The following WASF3 variants were observed in gnomAD, a reference collection of about 807,000 sequenced individuals.
WASF3 encodes actin-binding protein WASF3.
Under a neutral mutation model 46.6 loss-of-function variants are expected in WASF3, and 11 were observed. The observed-to-expected ratio is 0.24, with a 90% CI of 0.15 to 0.39. The LOEUF is 0.39. Among genes scored for constraint, WASF3 ranks in the 10% least tolerant of loss-of-function variants. The probability of loss-of-function intolerance (pLI) is 1.00; values close to 1 mark genes in which losing one functional copy is unlikely to be tolerated. For synonymous variants in WASF3, 242 were observed against 259.7 expected (o/e 0.93, Z 0.65); for missense variants, 576 against 669.8 (o/e 0.86, Z 1.55).
chr13:26,580,600 G>A (rs945434933), intron 1 of WASF3, among the ~76,000 whole-genome samples: 2 of 150,016 alleles, frequency 1.3e-5, no homozygotes, highest in Non-Finnish European at 3.0e-5. Flanking sequence ...ATTATTTCTG[G>A]TAGTTTTGAA....
chr13:26,658,000 C>T (rs1432760384), intron 3 of WASF3, among the ~76,000 whole-genome samples: 2 of 152,168 alleles, frequency 1.3e-5, no homozygotes, highest in Non-Finnish European at 1.5e-5. Context: ...TAGGGTTAGG[C>T]ATCGGACCTA....
chr13:26,552,177 G>T, the WASF3 span, among the ~76,000 whole-genome samples: 1 of 152,170 alleles, frequency 6.6e-6, no homozygotes, highest in Non-Finnish European at 1.5e-5. Flanking sequence ...TCTTGGCTGG[G>T]TTACCTTGGG....
intron 6 of WASF3, among the ~76,000 whole-genome samples, 187 bp downstream of exon 6, chr13:26,672,176 A>G (rs893040365): frequency 7.9e-5 from 12 of 152,208 alleles, no homozygotes; most frequent in African/African-American, 2.4e-4. Flanking sequence ...ATAAATACTG[A>G]TATGTTCTCC....
intron 8 of WASF3, among the ~76,000 whole-genome samples, chr13:26,681,880 C>A (rs755340779): frequency 6.6e-6 from 1 of 152,024 alleles, no homozygotes; most frequent in Non-Finnish European, 1.5e-5. Flanking sequence ...TTTGGCTTTA[C>A]TCTAGTCTTT....
chr13:26,647,924 T>C (rs1055722307), intron 3 of WASF3, among the ~76,000 whole-genome samples: 2 of 152,212 alleles, frequency 1.3e-5, no homozygotes, highest in Non-Finnish European at 2.9e-5. Context: ...ATTGTACATA[T>C]GGTTTTATAG....
rs779477856 is a variant in WASF3, at chr13:26,679,986, C to G, written c.717-1068C>G. 6.4e-7 allele frequency: 1 copy of G among 1,569,302 alleles called. No homozygotes were observed. The highest frequency in any genetic ancestry group is 2.3e-5 in the East Asian group (1 of 43,782). ...CCAAAGATGGAAATGCAGCGTGCATCTTCCCTGCTCCCTCAGCACCCCCAA... is the reference window on the plus strand; with the variant it reads ...CCAAAGATGGAAATGCAGCGTGCATGTTCCCTGCTCCCTCAGCACCCCCAA... On this transcript the variant is annotated intron_variant, in intron 7 of 9. Coordinates refer to ENST00000335327, the MANE Select transcript of WASF3 (RefSeq NM_006646.6). This position sits in a 1 kb window ranked among gnomAD's most constrained non-coding sequence, Gnocchi z 4.8.
chr13:26,552,483 T>C, the WASF3 span, among the ~76,000 whole-genome samples: 11 of 152,222 alleles, frequency 7.2e-5, no homozygotes, highest in African/African-American at 2.4e-4. Flanking sequence ...ATGTATTTAT[T>C]TCACTCTATG....
At chr13:26,552,378 T>G in the WASF3 span, among the ~76,000 whole-genome samples, 2 of 152,212 alleles carry the variant, frequency 1.3e-5, no homozygotes, top group African/African-American at 4.8e-5. Context: ...TATACTGCCT[T>G]GCTCTGATGA....
chr13:26,618,829 T>C (rs554240901), intron 2 of WASF3: 1 of 152,330 alleles, frequency 6.6e-6, no homozygotes, highest in South Asian at 2.1e-4. Context: ...GACAATTTGA[T>C]GGTTGGCTGC....
At chr13:26,681,600 A>G (rs1468624323) in intron 8 of WASF3, among the ~76,000 whole-genome samples, 3 of 152,100 alleles carry the variant, frequency 2.0e-5, no homozygotes, top group East Asian at 1.9e-4. Context: ...GCATTGATAA[A>G]GGGTATTAAG....
At chr13:26,554,401 G>A (rs1879055089), upstream of WASF3, among the ~76,000 whole-genome samples, 1 of 151,976 alleles carries the variant, frequency 6.6e-6, no homozygotes, top group Admixed American at 6.6e-5. Flanking sequence ...AAAGTGCTGG[G>A]ATTACAGGTG....
At chr13:26,545,407 C>A in the WASF3 span, among the ~76,000 whole-genome samples, 2 of 151,896 alleles carry the variant, frequency 1.3e-5, no homozygotes, top group African/African-American at 4.8e-5. Context: ...TTCATTTTAA[C>A]TTTTGACTTG....
chr13:26,677,853 GT>G (rs893424713), intron 7 of WASF3, among the ~76,000 whole-genome samples: 2 of 151,596 alleles, frequency 1.3e-5, no homozygotes, highest in African/African-American at 2.4e-5. Flanking sequence ...CTGCTTTTTT[GT>G]TTTTTTTCTA....
rs138733211 is a variant in WASF3, at chr13:26,573,774, G to A, written c.-109+15955G>A. ...CAAAATGAATTCATCCATGAAACCA[G>A]TACTCAGACCATTCCCAGAACTTCA... On this transcript the variant is annotated intron_variant, in intron 1 of 9. Coordinates refer to ENST00000335327, the MANE Select transcript of WASF3 (RefSeq NM_006646.6). Among the ~76,000 whole-genome samples, 597 of 152,272 alleles carry A rather than the reference G, an allele frequency of 3.9e-3. 2 individuals are homozygous for A. The highest frequency in any genetic ancestry group is 5.2e-3 in the Non-Finnish European group (357 of 68,022).
Position 26,628,494 on chromosome 13 carries a change from C to T in WASF3, c.-10-13767C>T, listed in dbSNP as rs1395576847. Among the ~76,000 whole-genome samples, 3 of 152,116 alleles carry T rather than the reference C, an allele frequency of 2.0e-5. No homozygotes were observed. In the East Asian group the frequency reaches 5.8e-4, roughly 29 times the overall value. On this transcript the variant is annotated intron_variant, in intron 2 of 9. Transcript: ENST00000335327. ...AGGTAGGTAATTAAGCTACCTGGCT[C>T]CTCCCAGGAGGAGATGCCAAGGTAG...
At chr13:26,658,408 A>G (rs1033711087) in intron 3 of WASF3, among the ~76,000 whole-genome samples, 3 of 152,312 alleles carry the variant, frequency 2.0e-5, no homozygotes, top group Admixed American at 6.5e-5. Context: ...CACCAAATGG[A>G]TTCTATAAAA....
At chr13:26,660,214 T>G (rs1417231535) in intron 3 of WASF3, among the ~76,000 whole-genome samples, 1 of 136,084 alleles carries the variant, frequency 7.3e-6, no homozygotes, top group Non-Finnish European at 1.6e-5. Context: ...TTTTTTTTTT[T>G]TTTTTTTTTT....
At chr13:26,678,841 GCT>G in intron 7 of WASF3, among the ~76,000 whole-genome samples, 1 of 150,650 alleles carries the variant, frequency 6.6e-6, no homozygotes, top group Non-Finnish European at 1.5e-5. Context: ...CAGATCTCTG[GCT>G]GCCCGCCTGT....
At chr13:26,625,375 A>G (rs1055347097) in intron 2 of WASF3, among the ~76,000 whole-genome samples, 2 of 152,136 alleles carry the variant, frequency 1.3e-5, no homozygotes, top group Admixed American at 6.5e-5. Flanking sequence ...CAGTGGTGTA[A>G]TTCATTGTGC....
Sources: allele counts gnomAD v4.1 joint callset (sites outside exome capture counted in the v4.1 genomes callset), GRCh38; gene constraint gnomAD v4.1.1; non-coding constraint Gnocchi (gnomAD v3.1); transcripts MANE v1.5; gene names NCBI Gene and HGNC (gene_info 2026-07-23, HGNC 2026-07-21).